Variants in GRM7 observed in about 807,000 individuals in gnomAD.
GRM7 encodes metabotropic glutamate receptor 7.
Under a neutral mutation model 84.5 loss-of-function variants are expected in GRM7, and 35 were observed. The observed-to-expected ratio is 0.41, with a 90% CI of 0.32 to 0.55. The LOEUF is 0.55. Among genes scored for constraint, GRM7 ranks in the 20% least tolerant of loss-of-function variants. The pLI, the probability that GRM7 is intolerant of heterozygous loss-of-function variation, is 0.19. For missense variants in GRM7, 1,003 were observed against 1,194.6 expected (o/e 0.84, Z 2.36); for synonymous variants, 487 against 455.1 (o/e 1.07, Z -0.89).
At chr3:7,576,269 C>T (rs1215177705) in intron 7 of GRM7, among the ~76,000 whole-genome samples, 1 of 152,148 alleles carries the variant, frequency 6.6e-6, no homozygotes, top group East Asian at 1.9e-4. Flanking sequence ...CTTCCAGTGA[C>T]TTATTGTCTC....
At chr3:7,562,157 A>T (rs191232660) in intron 7 of GRM7, among the ~76,000 whole-genome samples, 1 of 152,224 alleles carries the variant, frequency 6.6e-6, no homozygotes, top group Admixed American at 6.5e-5. Flanking sequence ...TTGCCCTGTA[A>T]GACAGAGGTT....
intron 9 of GRM7, among the ~76,000 whole-genome samples, chr3:7,736,669 T>C (rs902359097): frequency 2.2e-4 from 34 of 152,040 alleles, no homozygotes; most frequent in African/African-American, 8.2e-4. Flanking sequence ...GGGAAGAACA[T>C]GGAGTGTAAA....
At chr3:7,092,825 T>A (rs576271043) in intron 1 of GRM7, among the ~76,000 whole-genome samples, 15 of 152,224 alleles carry the variant, frequency 9.9e-5, no homozygotes, top group Non-Finnish European at 2.1e-4. Context: ...GGCTCATGCC[T>A]GTAATCCCAG....
intron 1 of GRM7, among the ~76,000 whole-genome samples, chr3:6,889,908 G>C (rs1452553946): frequency 6.6e-6 from 1 of 152,182 alleles, no homozygotes; most frequent in Non-Finnish European, 1.5e-5. Context: ...CACAATTTCA[G>C]AGCCTGTTAT....
At chr3:6,974,523 C>T (rs1234892412) in intron 1 of GRM7, among the ~76,000 whole-genome samples, 1 of 152,076 alleles carries the variant, frequency 6.6e-6, no homozygotes, top group Non-Finnish European at 1.5e-5. Flanking sequence ...ATGTAGCTGC[C>T]TGTAGAATGC....
intron 9 of GRM7, among the ~76,000 whole-genome samples, chr3:7,685,496 G>A (rs978316594): frequency 2.6e-5 from 4 of 152,098 alleles, no homozygotes; most frequent in African/African-American, 7.2e-5. Context: ...TTTTTTGGAT[G>A]TGGAGATGTA....
intron 1 of GRM7, among the ~76,000 whole-genome samples, chr3:6,941,684 AAT>A (rs1429358207): frequency 6.6e-6 from 1 of 152,224 alleles, no homozygotes; most frequent in Non-Finnish European, 1.5e-5. Flanking sequence ...ATGTAGAAAT[AAT>A]AGTTTTATTC....
chr3:7,136,081 A>T (rs996456946), intron 1 of GRM7, among the ~76,000 whole-genome samples: 1 of 152,154 alleles, frequency 6.6e-6, no homozygotes, highest in African/African-American at 2.4e-5. Flanking sequence ...CAATCTTGTC[A>T]ACATTTAGAA....
chr3:7,439,821 T>G (rs1697213436), intron 5 of GRM7, among the ~76,000 whole-genome samples: 1 of 152,122 alleles, frequency 6.6e-6, no homozygotes, highest in South Asian at 2.1e-4. Context: ...GGGATAAGGT[T>G]GCATTGAGGA....
At chr3:7,364,866 C>G (rs1693812803) in intron 4 of GRM7, among the ~76,000 whole-genome samples, 1 of 151,826 alleles carries the variant, frequency 6.6e-6, no homozygotes, top group South Asian at 2.1e-4. Context: ...TTTAGATTAA[C>G]CCACATGATA....
chr3:7,634,505 G>T (rs62235228), intron 8 of GRM7, among the ~76,000 whole-genome samples: 2 of 20,600 alleles, frequency 9.7e-5, no homozygotes, highest in Non-Finnish European at 1.8e-4. Flanking sequence ...AAAAAAAAGG[G>T]CTGGGCTCCA....
chr3:7,585,930 T>C (rs1695499021), intron 8 of GRM7, among the ~76,000 whole-genome samples: 1 of 152,184 alleles, frequency 6.6e-6, no homozygotes, highest in Admixed American at 6.5e-5. Flanking sequence ...GGCCCAATTG[T>C]GAATTCTTTC....
chr3:7,454,757 G>A (rs1273703837), intron 6 of GRM7, among the ~76,000 whole-genome samples: 2 of 151,868 alleles, frequency 1.3e-5, no homozygotes, highest in Non-Finnish European at 2.9e-5. Flanking sequence ...CTGTTGTGTT[G>A]GATTACAATA....
rs71063292 is a variant in GRM7 at position 7,260,673 on chromosome 3, TTG to T, written c.737-37979_737-37978del. ...CTCCTGGATTTGTTGTTCTTTTGAATTGTGTGTGTGTGTGTGTGTGTGTGTGT... is the reference window on the plus strand; with the variant it reads ...CTCCTGGATTTGTTGTTCTTTTGAATTGTGTGTGTGTGTGTGTGTGTGTGT... On this transcript the variant is annotated intron_variant, in intron 2 of 9. Transcript: ENST00000357716. Among the ~76,000 whole-genome samples, 518 of 144,508 alleles carry T rather than the reference TTG, an allele frequency of 3.6e-3. 2 individuals carry two copies. Among genetic ancestry groups the T allele is most frequent in the African/African-American group, 0.011 (423 of 39,476 alleles). 94.8% of individuals were successfully genotyped at this position (144,508 alleles called of 152,430 possible).
intron 1 of GRM7, among the ~76,000 whole-genome samples, chr3:7,092,600 T>TGG (rs34531178): frequency 2.1e-5 from 3 of 144,022 alleles, no homozygotes; most frequent in Non-Finnish European, 4.6e-5. Context: ...TTCTTTGAAT[T>TGG]GGGGGGGGGG....
In GRM7 at chr3:7,052,604, G is replaced by T. The variant is rs557246638; in HGVS notation, c.520-93848G>T. 2.0e-3 allele frequency among the ~76,000 whole-genome samples: 299 copies of T among 150,716 alleles called. 8 individuals are homozygous for T. Among genetic ancestry groups the T allele is most frequent in the Admixed American group, 0.019 (286 of 15,086 alleles). ...CTGTGACCACTAGTTACTTTCTGTT[G>T]TTATAGTTTTGCCTTCTCAATAAAT... is the stretch of plus-strand genomic sequence containing the variant. On this transcript the variant is annotated intron_variant, in intron 1 of 9. Transcript: ENST00000357716.
chr3:7,483,005 CTG>C (rs1699190477), intron 7 of GRM7, among the ~76,000 whole-genome samples: 1 of 152,104 alleles, frequency 6.6e-6, no homozygotes, highest in African/African-American at 2.4e-5. Flanking sequence ...CAATTTTAAG[CTG>C]TGTGTTTTTC....
intron 4 of GRM7, among the ~76,000 whole-genome samples, chr3:7,411,113 GTATCT>G (rs1559303056): frequency 1.3e-5 from 2 of 152,074 alleles, no homozygotes; most frequent in African/African-American, 4.8e-5. Context: ...TCTTCTGTAT[GTATCT>G]TATAAGGACT....
intron 1 of GRM7, among the ~76,000 whole-genome samples, chr3:7,066,261 AC>A (rs1002736211): frequency 6.6e-6 from 1 of 151,806 alleles, no homozygotes; most frequent in Non-Finnish European, 1.5e-5. Context: ...AAAAGATAAA[AC>A]TGATAGACCA....
Sources: allele counts gnomAD v4.1 joint callset (sites outside exome capture counted in the v4.1 genomes callset), GRCh38; gene constraint gnomAD v4.1.1; transcripts MANE v1.5; gene names NCBI Gene and HGNC (gene_info 2026-07-23, HGNC 2026-07-21).